The following SOCS7 variants were observed in gnomAD, a reference collection of about 807,000 sequenced individuals.
SOCS7 encodes suppressor of cytokine signaling 7, also known as NAP-4.
In SOCS7, 18 loss-of-function variants were observed where a neutral mutation model predicts 58.9. That is an observed-to-expected ratio of 0.31 (90% CI 0.21 to 0.45). SOCS7 has a LOEUF of 0.45. Among genes scored for constraint, SOCS7 ranks in the 20% least tolerant of loss-of-function variants. SOCS7 has a pLI of 1.00. For synonymous variants in SOCS7, 388 were observed against 364.3 expected (o/e 1.06, Z -0.74); for missense variants, 667 against 837.3 (o/e 0.80, Z 2.51).
intron 1 of SOCS7, 115 bp downstream of exon 1, chr17:38,353,147 G>C: frequency 2.0e-6 from 2 of 1,005,788 alleles, no homozygotes; most frequent in Non-Finnish European, 2.8e-6. Context: ...GGAGGAGGCA[G>C]AGACTTGGGA....
At chr17:38,387,999 T>G (rs2038102939) in intron 7 of SOCS7, among the ~76,000 whole-genome samples, 4 of 152,020 alleles carry the variant, frequency 2.6e-5, no homozygotes, top group Admixed American at 6.6e-5. Flanking sequence ...CTCGAACTCC[T>G]GACCTCAGGT....
intron 7 of SOCS7, among the ~76,000 whole-genome samples, chr17:38,383,601 A>G (rs2038030461): frequency 6.6e-6 from 1 of 152,182 alleles, no homozygotes; most frequent in African/African-American, 2.4e-5. Context: ...TGTTATGCCC[A>G]GGCTGGAGTG....
intron 1 of SOCS7, among the ~76,000 whole-genome samples, chr17:38,358,349 T>A (rs865810791): frequency 5.3e-5 from 8 of 152,262 alleles, no homozygotes; most frequent in African/African-American, 1.7e-4. Context: ...AAATATAGTG[T>A]GTCAGCTTAG....
intron 2 of SOCS7, among the ~76,000 whole-genome samples, chr17:38,364,229 A>T (rs1236073902): frequency 6.6e-6 from 1 of 152,190 alleles, no homozygotes; most frequent in Non-Finnish European, 1.5e-5. Context: ...ATGTGTGAAT[A>T]CTCTGGAAAA....
At chr17:38,382,200 G>A (rs1280735375) in intron 7 of SOCS7, among the ~76,000 whole-genome samples, 1 of 151,806 alleles carries the variant, frequency 6.6e-6, no homozygotes, top group Admixed American at 6.6e-5. Flanking sequence ...AGGTAGAGGT[G>A]GAAGGATTGT....
chr17:38,358,586 T>C (rs1555567150), intron 1 of SOCS7, among the ~76,000 whole-genome samples: 2 of 151,754 alleles, frequency 1.3e-5, no homozygotes, highest in African/African-American at 4.8e-5. Context: ...TGTTGTTGTT[T>C]TTTTTTTTTT....
Position 38,367,919 on chromosome 17 carries a change from C to T in SOCS7, c.1421C>T (p.Ala474Val). ...TGGGGGCCAATGAATTGGGAAGATGCAGAGATGAAGCTGAAAGGGAAACCA... is the reference window on the plus strand; with the variant it reads ...TGGGGGCCAATGAATTGGGAAGATGTAGAGATGAAGCTGAAAGGGAAACCA... ...WYWGPMNWEDAEMKLKGKPDG... is the reference protein window; with the variant it reads ...WYWGPMNWEDVEMKLKGKPDG... Residue 474 changes from alanine to valine, a missense_variant, in exon 6 of 10, where the codon GCA (alanine) becomes GTA (valine). Physicochemically the swap from Ala to Val is moderately conservative, Grantham distance 64. Coordinates refer to ENST00000612932, the MANE Select transcript of SOCS7 (RefSeq NM_014598.4). 1 of 1,614,112 alleles carries T rather than the reference C, an allele frequency of 6.2e-7. No individual in the cohort carries two copies. The highest frequency in any genetic ancestry group is 8.5e-7 in the Non-Finnish European group (1 of 1,179,998).
At chr17:38,371,754 G>GTTTTTTTTTTTTTTTTTTTTTTT in intron 6 of SOCS7, among the ~76,000 whole-genome samples, 1 of 72,194 alleles carries the variant, frequency 1.4e-5, no homozygotes, top group Non-Finnish European at 2.7e-5. Flanking sequence ...GCCCTTTTGT[G>GTTTTTTTTTTTTTTTTTTTTTTT]TTTTTTTTTT....
In SOCS7 at chr17:38,401,104, TCTTC is replaced by T. The variant is rs2038312868; in HGVS notation, c.*1626_*1629del. 1 of 152,216 alleles carries T rather than the reference TCTTC, an allele frequency of 6.6e-6. No individual in the cohort carries two copies. Among genetic ancestry groups the T allele is most frequent in the Admixed American group, 6.5e-5 (1 of 15,286 alleles). The allele number at this position is 152,216 out of a possible 1,614,324, so 9.4% of individuals were successfully genotyped here. On this transcript the variant is annotated 3_prime_UTR_variant, in exon 10 of 10. Transcript: ENST00000612932. Reference sequence around the variant, plus strand: ...ACTGCCTCATCTGGGAGCATTGCCTTCTTCCTTAGTCCCACGTGGAGTGACCAGT... The same window carrying T: ...ACTGCCTCATCTGGGAGCATTGCCTTCTTAGTCCCACGTGGAGTGACCAGT...
In SOCS7 at chr17:38,404,624, G is replaced by C. The variant is rs571374332; in HGVS notation, c.*5142G>C. On this transcript the variant is annotated 3_prime_UTR_variant, in exon 10 of 10. Transcript: ENST00000612932. ...TGGTTGCAGCTGGACTGCGATCGTA[G>C]TTCCTCCTGGAGATAGAGTGTGAGG... is the stretch of plus-strand genomic sequence containing the variant. 2 of 152,252 alleles carry C rather than the reference G, an allele frequency of 1.3e-5. No homozygotes were observed. Among genetic ancestry groups the C allele is most frequent in the Admixed American group, 1.3e-4 (2 of 15,276 alleles). The allele number at this position is 152,252 out of a possible 1,614,324, so 9.4% of individuals were successfully genotyped here.
At chr17:38,354,780 T>G (rs1304566262) in intron 1 of SOCS7, among the ~76,000 whole-genome samples, 1 of 152,216 alleles carries the variant, frequency 6.6e-6, no homozygotes, top group Non-Finnish European at 1.5e-5. Context: ...GTGGTTTGTC[T>G]TGCCTTTGTT....
chr17:38,351,888 C>A lies in SOCS7; in HGVS notation c.-165C>A, dbSNP rs1339927164. Among the ~76,000 whole-genome samples, 3 of 150,816 alleles carry A rather than the reference C, an allele frequency of 2.0e-5. No homozygotes were observed. The highest frequency in any genetic ancestry group is 6.6e-5 in the Admixed American group (1 of 15,224). ...GCGGTGGCGGAGCGCGGCCTGGGCT[C>A]GCGCTGGGCTCCGCGCGCCCCCCGC... is the stretch of plus-strand genomic sequence containing the variant. On this transcript the variant is annotated 5_prime_UTR_variant, in exon 1 of 10. Coordinates refer to ENST00000612932, the MANE Select transcript of SOCS7 (RefSeq NM_014598.4).
At chr17:38,373,690 C>G (rs2037896037) in intron 6 of SOCS7, among the ~76,000 whole-genome samples, 1 of 152,158 alleles carries the variant, frequency 6.6e-6, no homozygotes, top group Non-Finnish European at 1.5e-5. Context: ...CTTTAAAGCT[C>G]TTTTGATATT....
At chr17:38,382,614 G>A (rs1160285848) in intron 7 of SOCS7, among the ~76,000 whole-genome samples, 3 of 151,958 alleles carry the variant, frequency 2.0e-5, no homozygotes, top group Middle Eastern at 3.4e-3. Context: ...TCAGCCTCCC[G>A]AGTAGCTGGG....
At chr17:38,359,819 C>T (rs1202602151) in intron 1 of SOCS7, among the ~76,000 whole-genome samples, 1 of 151,778 alleles carries the variant, frequency 6.6e-6, no homozygotes, top group Non-Finnish European at 1.5e-5. Context: ...CTCTGTCACC[C>T]AGGCTGGAAT....
chr17:38,358,965 C>A (rs1258383836), intron 1 of SOCS7, among the ~76,000 whole-genome samples: 1 of 152,094 alleles, frequency 6.6e-6, no homozygotes, highest in Non-Finnish European at 1.5e-5. Flanking sequence ...GCATTTGGGT[C>A]CTGCCGTTCT....
intron 7 of SOCS7, among the ~76,000 whole-genome samples, chr17:38,389,863 G>GTACATATATATGTACATATATATATA (rs1261982144): frequency 4.5e-5 from 1 of 22,322 alleles, no homozygotes; most frequent in African/African-American, 1.6e-4. Context: ...GTGTGTATGT[G>GTACATATATATGTACATATATATATA]TGTACATATA....
chr17:38,364,212 T>G (rs2037757239), intron 2 of SOCS7, among the ~76,000 whole-genome samples: 1 of 152,244 alleles, frequency 6.6e-6, no homozygotes, highest in African/African-American at 2.4e-5. Flanking sequence ...TTCAGGTAGA[T>G]TCTCTTATGT....
chr17:38,383,595 A>C (rs1325768455), intron 7 of SOCS7, among the ~76,000 whole-genome samples: 1 of 152,086 alleles, frequency 6.6e-6, no homozygotes, highest in Non-Finnish European at 1.5e-5. Flanking sequence ...TCACTTTGTT[A>C]TGCCCAGGCT....
Sources: gnomAD v4.1 joint callset for allele counts (sites outside exome capture counted in the v4.1 genomes callset) on GRCh38, gnomAD v4.1.1 for gene constraint, MANE v1.5 for transcripts, NCBI Gene and HGNC (gene_info 2026-07-23, HGNC 2026-07-21) for gene names.